The following FERMT2 variants were observed in gnomAD, a reference collection of about 807,000 sequenced individuals.
The protein encoded by FERMT2 is FERM domain containing kindlin 2.
In FERMT2, 15 loss-of-function variants were observed where a neutral mutation model predicts 82.7. That is an observed-to-expected ratio of 0.18 (90% CI 0.12 to 0.28). The LOEUF (loss-of-function observed/expected upper bound fraction) is 0.28, where lower values mean the gene tolerates loss of function less well. FERMT2 is among the 10% of genes least tolerant of loss of function. The probability of loss-of-function intolerance (pLI) is 1.00; values close to 1 mark genes in which losing one functional copy is unlikely to be tolerated. For missense variants in FERMT2, 645 were observed against 809.4 expected (o/e 0.80, Z 2.46); for synonymous variants, 274 against 271.5 (o/e 1.01, Z -0.09).
intron 12 of FERMT2, among the ~76,000 whole-genome samples, chr14:52,862,376 A>G (rs1884998324): frequency 6.6e-6 from 1 of 151,984 alleles, no homozygotes; most frequent in Non-Finnish European, 1.5e-5. Context: ...ACAATTTGTA[A>G]GTCTATTCCA....
At chr14:52,914,976 G>T (rs1888538960) in intron 3 of FERMT2, among the ~76,000 whole-genome samples, 1 of 151,506 alleles carries the variant, frequency 6.6e-6, no homozygotes, top group South Asian at 2.1e-4. Flanking sequence ...AAATCCAAGA[G>T]AATCAATAAA....
At chr14:52,936,190 T>G (rs1476611848) in intron 2 of FERMT2, among the ~76,000 whole-genome samples, 1 of 152,242 alleles carries the variant, frequency 6.6e-6, no homozygotes, top group Non-Finnish European at 1.5e-5. Context: ...GTTTTAAATG[T>G]GATCAATGAC....
chr14:52,905,313 C>T (rs375322571), intron 3 of FERMT2, among the ~76,000 whole-genome samples: 24 of 151,864 alleles, frequency 1.6e-4, no homozygotes, highest in Admixed American at 1.0e-3. Flanking sequence ...AAACAGTAAA[C>T]GAGTAGAAAG....
intron 3 of FERMT2, among the ~76,000 whole-genome samples, chr14:52,901,418 A>G (rs1262981067): frequency 6.6e-6 from 1 of 152,190 alleles, no homozygotes; most frequent in Non-Finnish European, 1.5e-5. Flanking sequence ...ACAAACACCA[A>G]TCTAGGTACT....
At chr14:52,862,971 AAAATTGGTCAGGTTTG>A (rs1393414209) in intron 12 of FERMT2, 2 of 152,250 alleles carry the variant, frequency 1.3e-5, no homozygotes, top group East Asian at 3.8e-4. Flanking sequence ...GTGAAATGAT[AAAATTGGTCAGGTTTG>A]AAATTACTTA....
intron 10 of FERMT2, among the ~76,000 whole-genome samples, chr14:52,869,726 C>T (rs1885503490): frequency 6.6e-6 from 1 of 152,158 alleles, no homozygotes; most frequent in Non-Finnish European, 1.5e-5. Context: ...AGTACTTCTA[C>T]TTAAATAAAA....
intron 2 of FERMT2, among the ~76,000 whole-genome samples, chr14:52,932,282 T>C (rs551711100): frequency 6.6e-6 from 1 of 152,202 alleles, no homozygotes; most frequent in Non-Finnish European, 1.5e-5. Context: ...ATGTTGAATA[T>C]GAGGCCAAAA....
intron 2 of FERMT2, among the ~76,000 whole-genome samples, chr14:52,943,416 C>G (rs1450070779): frequency 6.6e-6 from 1 of 152,058 alleles, no homozygotes; most frequent in Admixed American, 6.6e-5. Context: ...TAGCTCCACA[C>G]TTGGTGGCTG....
At chr14:52,930,248 G>T (rs1373460192) in intron 2 of FERMT2, among the ~76,000 whole-genome samples, 1 of 152,092 alleles carries the variant, frequency 6.6e-6, no homozygotes, top group Non-Finnish European at 1.5e-5. Flanking sequence ...CTTCTAAAAA[G>T]AATGAATTTC....
At position 52,885,454 on chromosome 14, in the gene FERMT2, T is replaced by A. The variant is rs573030464; in HGVS notation, c.527-3985A>T. Among the ~76,000 whole-genome samples the A allele has an allele frequency of 8.5e-5, 13 of 152,178 alleles. No individual in the cohort carries two copies. The South Asian group carries it at 2.7e-3, about 32-fold the overall frequency. On this transcript the variant is annotated intron_variant, in intron 4 of 14. Coordinates refer to ENST00000341590, the MANE Select transcript of FERMT2 (RefSeq NM_006832.3). ...GGTATGGGTATTTTAAATTCCTTCA[T>A]CGTGGTTCAGAGACAATCCCAACTA...
intron 3 of FERMT2, among the ~76,000 whole-genome samples, chr14:52,897,111 A>C (rs1458304963): frequency 6.6e-6 from 1 of 152,056 alleles, no homozygotes; most frequent in Admixed American, 6.6e-5. Flanking sequence ...AATCATTTAA[A>C]ATGTGTTCTT....
intron 3 of FERMT2, among the ~76,000 whole-genome samples, chr14:52,911,021 T>C (rs1004094508): frequency 2.0e-5 from 3 of 152,214 alleles, no homozygotes; most frequent in Non-Finnish European, 4.4e-5. Flanking sequence ...GGAAGAGTTA[T>C]ATACTGTCAC....
At chr14:52,918,865 TA>T (rs1247048938) in intron 3 of FERMT2, among the ~76,000 whole-genome samples, 1 of 152,212 alleles carries the variant, frequency 6.6e-6, no homozygotes, top group Non-Finnish European at 1.5e-5. Context: ...CCTGTTCCTT[TA>T]ACCTCTCCAT....
At chr14:52,939,758 T>C (rs188179228) in intron 2 of FERMT2, among the ~76,000 whole-genome samples, 72 of 152,262 alleles carry the variant, frequency 4.7e-4, no homozygotes, top group African/African-American at 1.6e-3. Context: ...ACAGAAATCA[T>C]TGCCACCTTG....
chr14:52,913,039 C>T (rs1337174823), intron 3 of FERMT2, among the ~76,000 whole-genome samples: 2 of 152,118 alleles, frequency 1.3e-5, no homozygotes, highest in Admixed American at 6.6e-5. Flanking sequence ...TGAAAGATAG[C>T]TTTCTTTTCT....
rs149351559 is a variant in FERMT2, at chr14:52,889,892, G to A, written c.526+3401C>T. ...GCTTGTAATCGCAACACTTTGGGAG[G>A]CCAAGGTGGGTGGATCACTTGAGAC... On this transcript the variant is annotated intron_variant, in intron 4 of 14. Transcript: ENST00000341590. 1.0e-3 allele frequency among the ~76,000 whole-genome samples: 155 copies of A among 152,306 alleles called. 1 individual carries two copies. The East Asian group carries it at 0.029, about 29-fold the overall frequency.
At chr14:52,881,956 G>A (rs993449688) in intron 4 of FERMT2, 14 of 345,370 alleles carry the variant, frequency 4.1e-5, no homozygotes, top group Non-Finnish European at 1.1e-5. Flanking sequence ...ATCATAAACT[G>A]AAGTACACAT....
intron 4 of FERMT2, among the ~76,000 whole-genome samples, chr14:52,886,101 T>C (rs1278157391): frequency 6.6e-6 from 1 of 152,038 alleles, no homozygotes; most frequent in Non-Finnish European, 1.5e-5. Flanking sequence ...CTAATAAACA[T>C]ATAAATTATT....
At position 52,877,849 on chromosome 14, in the gene FERMT2, T is replaced by G. The variant is rs1886064613; in HGVS notation, c.963+733A>C. Among the ~76,000 whole-genome samples the G allele has an allele frequency of 2.0e-5, 3 of 152,248 alleles. No homozygotes were observed. The South Asian group carries it at 6.2e-4, about 32-fold the overall frequency. On this transcript the variant is annotated intron_variant, in intron 7 of 14. Coordinates refer to ENST00000341590, the MANE Select transcript of FERMT2 (RefSeq NM_006832.3). ...GCTGAACCTAGAATCCCGTCATAAC[T>G]GGGAATACTTGCCAAAGCATTACTC...
Sources: allele counts gnomAD v4.1 joint callset (sites outside exome capture counted in the v4.1 genomes callset), GRCh38; gene constraint gnomAD v4.1.1; transcripts MANE v1.5; gene names NCBI Gene and HGNC (gene_info 2026-07-23, HGNC 2026-07-21).